Variants in TAB2 observed in about 807,000 individuals in gnomAD.
The protein encoded by TAB2 is TGF-beta activated kinase 1 (MAP3K7) binding protein 2.
TAB2 carries 3 observed loss-of-function variants against 65.0 expected under a neutral mutation model. That is an observed-to-expected ratio of 0.05 (90% CI 0.02 to 0.12). The LOEUF (loss-of-function observed/expected upper bound fraction) is 0.12, where lower values mean the gene tolerates loss of function less well. Among genes scored for constraint, TAB2 ranks in the 10% least tolerant of loss-of-function variants. The probability of loss-of-function intolerance (pLI) is 1.00; values close to 1 mark genes in which losing one functional copy is unlikely to be tolerated. For missense variants in TAB2, 623 were observed against 840.3 expected (o/e 0.74, Z 3.20); for synonymous variants, 298 against 285.1 (o/e 1.05, Z -0.46).
At chr6:149,260,092 G>A (rs1304775007) in intron 1 of TAB2, among the ~76,000 whole-genome samples, 7 of 152,162 alleles carry the variant, frequency 4.6e-5, no homozygotes, top group South Asian at 2.1e-4. Context: ...GCCAGGCCAC[G>A]CTTGTTCTGG....
chr6:149,330,129 T>G (rs1463365051), intron 1 of TAB2, among the ~76,000 whole-genome samples: 1 of 151,968 alleles, frequency 6.6e-6, no homozygotes, highest in Admixed American at 6.6e-5. Context: ...CCCCTTGAGG[T>G]CCTTCCAAAT....
intron 1 of TAB2, among the ~76,000 whole-genome samples, chr6:149,261,680 C>A (rs1778156275): frequency 6.6e-6 from 1 of 152,170 alleles, no homozygotes; most frequent in Admixed American, 6.5e-5. Context: ...GGCTACAACA[C>A]CCCATGGATG....
At chr6:149,297,725 G>A (rs1778902115) in intron 1 of TAB2, among the ~76,000 whole-genome samples, 1 of 152,004 alleles carries the variant, frequency 6.6e-6, no homozygotes, top group South Asian at 2.1e-4. Flanking sequence ...TAGAGACAGG[G>A]TCTCACTATG....
intron 3 of TAB2, among the ~76,000 whole-genome samples, chr6:149,387,021 A>G (rs1781827963): frequency 6.6e-6 from 1 of 152,118 alleles, no homozygotes; most frequent in Non-Finnish European, 1.5e-5. Flanking sequence ...AGTCCCTTCC[A>G]TGATTTGCAA....
At chr6:149,306,628 T>C (rs993329057) in intron 1 of TAB2, among the ~76,000 whole-genome samples, 20 of 151,050 alleles carry the variant, frequency 1.3e-4, no homozygotes, top group African/African-American at 4.4e-4. Flanking sequence ...GGCGCAGCCC[T>C]GTAGTCCCAG....
intron 3 of TAB2, among the ~76,000 whole-genome samples, chr6:149,383,878 T>G (rs1216301930): frequency 1.3e-5 from 2 of 152,100 alleles, no homozygotes; most frequent in South Asian, 4.1e-4. Flanking sequence ...CCACCGCACC[T>G]AGCTCAGTGA....
intron 1 of TAB2, among the ~76,000 whole-genome samples, chr6:149,295,048 C>T (rs1778850727): frequency 1.3e-5 from 2 of 152,222 alleles, no homozygotes; most frequent in Admixed American, 1.3e-4. Context: ...GTCTCCTTCT[C>T]ACCTTACTGT....
chr6:149,330,227 A>G (rs1465597960), intron 1 of TAB2, among the ~76,000 whole-genome samples: 2 of 152,148 alleles, frequency 1.3e-5, no homozygotes, highest in Non-Finnish European at 2.9e-5. Context: ...GGAATTTCCA[A>G]CTTTGGGTTG....
chr6:149,297,293 A>G (rs1032768457), intron 1 of TAB2, among the ~76,000 whole-genome samples: 2 of 152,200 alleles, frequency 1.3e-5, no homozygotes, highest in Non-Finnish European at 2.9e-5. Flanking sequence ...TATAGAATCA[A>G]TTTTAAATTC....
intron 1 of TAB2, among the ~76,000 whole-genome samples, chr6:149,273,887 A>G (rs927835375): frequency 6.6e-6 from 1 of 152,210 alleles, no homozygotes; most frequent in African/African-American, 2.4e-5. Context: ...TTGAGTTTAA[A>G]CTGAACTAAT....
chr6:149,365,034 C>T (rs921151456), intron 1 of TAB2, among the ~76,000 whole-genome samples: 46 of 151,980 alleles, frequency 3.0e-4, no homozygotes, highest in African/African-American at 1.1e-3. Flanking sequence ...TTTTGTAGTG[C>T]TGTATATACT....
At position 149,409,723 on chromosome 6, in the gene TAB2, A is replaced by C; in HGVS notation, c.*4A>C. 6.2e-7 allele frequency: 1 copy of C among 1,614,074 alleles called. No individual in the cohort carries two copies. Among genetic ancestry groups the C allele is most frequent in the Non-Finnish European group, 8.5e-7 (1 of 1,179,930 alleles). ...TGAGATGCCAAGGCATTTCTGAGCC[A>C]AATGGCCCTGTATCTTCTCTAAAAC... On this transcript the variant is annotated 3_prime_UTR_variant, in exon 7 of 7. Coordinates refer to ENST00000637181, the MANE Select transcript of TAB2 (RefSeq NM_001292034.3).
At chr6:149,227,529 G>A (rs1316729809) in intron 1 of TAB2, among the ~76,000 whole-genome samples, 2 of 152,094 alleles carry the variant, frequency 1.3e-5, no homozygotes, top group Non-Finnish European at 1.5e-5. Context: ...AAGGGGTGGA[G>A]GGAGCAGAGG....
chr6:149,347,045 CAA>C (rs1258859123), intron 1 of TAB2: 3 of 152,104 alleles, frequency 2.0e-5, no homozygotes, highest in Middle Eastern at 3.4e-3. Flanking sequence ...GGGCAGTGAA[CAA>C]TAATGTATTG....
chr6:149,302,243 C>T (rs1448179534), intron 1 of TAB2, among the ~76,000 whole-genome samples: 1 of 152,054 alleles, frequency 6.6e-6, no homozygotes, highest in Non-Finnish European at 1.5e-5. Flanking sequence ...TACATATATG[C>T]ACTTTAACCT....
chr6:149,306,801 G>A (rs1004827685), intron 1 of TAB2, among the ~76,000 whole-genome samples: 3 of 152,128 alleles, frequency 2.0e-5, no homozygotes, highest in African/African-American at 7.2e-5. Flanking sequence ...GCTGGGTTCA[G>A]CAGGGCAGGA....
At chr6:149,236,482 A>T (rs561819939) in intron 1 of TAB2, among the ~76,000 whole-genome samples, 1 of 152,300 alleles carries the variant, frequency 6.6e-6, no homozygotes, top group South Asian at 2.1e-4. Flanking sequence ...CTTATTCCCC[A>T]TTGCCAAATG....
chr6:149,351,588 A>T (rs1413075975), intron 1 of TAB2, among the ~76,000 whole-genome samples: 1 of 152,194 alleles, frequency 6.6e-6, no homozygotes, highest in Non-Finnish European at 1.5e-5. Context: ...TACTTGGATT[A>T]CTCATTTAAT....
intron 1 of TAB2, among the ~76,000 whole-genome samples, chr6:149,299,495 C>G (rs62428487): frequency 0.044 from 6,730 of 152,200 alleles, 188 homozygotes; most frequent in Middle Eastern, 0.082. Context: ...TCACTTGAAC[C>G]CAGGAGGGGG....
Sources: gnomAD v4.1 joint callset for allele counts (sites outside exome capture counted in the v4.1 genomes callset) on GRCh38, gnomAD v4.1.1 for gene constraint, MANE v1.5 for transcripts, NCBI Gene and HGNC (gene_info 2026-07-23, HGNC 2026-07-21) for gene names.